The following BICRAL variants were observed in gnomAD, a reference collection of about 807,000 sequenced individuals.
The protein encoded by BICRAL is BRD4-interacting chromatin-remodeling complex-associated protein-like.
BICRAL carries 8 observed loss-of-function variants against 91.8 expected under a neutral mutation model. The observed-to-expected ratio is 0.09, with a 90% CI of 0.05 to 0.16. BICRAL has a LOEUF of 0.16. Among genes scored for constraint, BICRAL ranks in the 10% least tolerant of loss-of-function variants. The pLI is 1.00. For synonymous variants in BICRAL, 445 were observed against 491.1 expected, an observed-to-expected ratio of 0.91 and a Z score of 1.24; for missense variants, 1,038 against 1,310.9, an observed-to-expected ratio of 0.79 and a Z score of 3.21.
intron 10 of BICRAL, among the ~76,000 whole-genome samples, chr6:42,857,802 A>ATTTTTTTTTT (rs1161596399): frequency 2.7e-5 from 2 of 73,664 alleles, no homozygotes; most frequent in African/African-American, 7.1e-5. Flanking sequence ...CATACCCTGA[A>ATTTTTTTTTT]TTTTTTTTTT....
At position 42,866,651 on chromosome 6, in the gene BICRAL, G is replaced by A. The variant is rs138869622; in HGVS notation, c.*1205G>A. 5 of 366,436 alleles carry A rather than the reference G, an allele frequency of 1.4e-5. No individual in the cohort carries two copies. The highest frequency in any genetic ancestry group is 8.5e-5 in the African/African-American group (4 of 47,180). The allele number at this position is 366,436 out of a possible 1,614,324, so 22.7% of individuals were successfully genotyped here. On this transcript the variant is annotated 3_prime_UTR_variant, in exon 13 of 13. Transcript: ENST00000314073. ...CAGCTAGCCCACCACTGAAAGGAAA[G>A]ATCTGAGACATGGGATTCCCATTTG...
chr6:42,857,302 A>T, intron 10 of BICRAL, 66 bp downstream of exon 10: 1 of 1,359,392 alleles, frequency 7.4e-7, no homozygotes, highest in South Asian at 1.3e-5. Context: ...CACCCCCCAG[A>T]AAAGCAAGAG....
chr6:42,753,769 A>C (rs1331115294), intron 1 of BICRAL, among the ~76,000 whole-genome samples: 2 of 151,516 alleles, frequency 1.3e-5, no homozygotes, highest in African/African-American at 4.9e-5. Flanking sequence ...GCGCCACCAC[A>C]CCCAGCTAAT....
rs1430461295 is a variant in BICRAL at position 42,796,904 on chromosome 6, G to A, written c.-101-13402G>A. 5.3e-5 allele frequency among the ~76,000 whole-genome samples: 8 copies of A among 152,172 alleles called. No individual in the cohort carries two copies. The East Asian group carries it at 1.4e-3, about 26-fold the overall frequency. On this transcript the variant is annotated intron_variant, in intron 1 of 12. Transcript: ENST00000314073. ...CTACTAAAAGCACAAAATTAGCCAG[G>A]TATGGTGGCGCATGCCTGTAATCCC...
chr6:42,864,885 T>C lies in BICRAL; in HGVS notation c.2679T>C (p.Ile893=), dbSNP rs1266393154. The C allele has an allele frequency of 2.5e-6, 4 of 1,614,020 alleles. No individual in the cohort carries two copies. The highest frequency in any genetic ancestry group is 3.4e-6 in the Non-Finnish European group (4 of 1,180,006). Residue 893 remains isoleucine (I), a synonymous_variant, in exon 13 of 13, where the codon ATT becomes ATC. Transcript: ENST00000314073. ...NHIVVSAEGN[I]SKKTECLGRA... ...TCGTGGTCTCTGCAGAAGGAAACATTTCTAAAAAAACAGAATGCCTTGGCA... is the reference window on the plus strand; with the variant it reads ...TCGTGGTCTCTGCAGAAGGAAACATCTCTAAAAAAACAGAATGCCTTGGCA...
rs755664597 is a variant in BICRAL, at chr6:42,855,824, AG to A, written c.2047-29del. On this transcript the variant is annotated intron_variant, in intron 8 of 12. Transcript: ENST00000314073. ...ATAACTGTATTCTTTTTTCTATAAA[AG>A]GGAATAATAAGAGGTTTGTTTTGTC... 1.1e-5 allele frequency: 17 copies of A among 1,564,154 alleles called. 1 individual carries two copies. The South Asian group carries it at 1.9e-4, about 17-fold the overall frequency.
chr6:42,804,611 T>A (rs964341113), intron 1 of BICRAL, among the ~76,000 whole-genome samples: 1 of 152,094 alleles, frequency 6.6e-6, no homozygotes, highest in African/African-American at 2.4e-5. Flanking sequence ...AGTCAAATAA[T>A]TGAAAAACTG....
chr6:42,860,891 C>A (rs1212560657), intron 11 of BICRAL, among the ~76,000 whole-genome samples: 1 of 152,178 alleles, frequency 6.6e-6, no homozygotes, highest in African/African-American at 2.4e-5. Context: ...CTTTGGGAGG[C>A]CAAGGCGGGT....
intron 1 of BICRAL, among the ~76,000 whole-genome samples, chr6:42,749,832 A>G (rs1021894342): frequency 2.7e-5 from 4 of 149,806 alleles, no homozygotes; most frequent in Non-Finnish European, 5.9e-5. Context: ...ATATTTCACT[A>G]TATACCTCTA....
In BICRAL at chr6:42,792,708, T is replaced by G. The variant is rs1163861640; in HGVS notation, c.-102+10607T>G. Reference sequence around the variant, plus strand: ...TAGGTGAATCACTTGAGGTCAGGAATTTGAGACCAGCCTGGCCAACATGAA... The same window carrying G: ...TAGGTGAATCACTTGAGGTCAGGAAGTTGAGACCAGCCTGGCCAACATGAA... On this transcript the variant is annotated intron_variant, in intron 1 of 12. Transcript: ENST00000314073. Among the ~76,000 whole-genome samples the G allele has an allele frequency of 2.0e-5, 3 of 151,902 alleles. No homozygotes were observed. The East Asian group carries it at 5.8e-4, about 30-fold the overall frequency.
At position 42,847,786 on chromosome 6, in the gene BICRAL, G is replaced by A. The variant is rs146376388; in HGVS notation, c.1840-4306G>A. ...AAAAATACAAAAATTAGCCGGGTGTGGTGCTGGGCACCTGTAATCCTAGCT... is the reference window on the plus strand; with the variant it reads ...AAAAATACAAAAATTAGCCGGGTGTAGTGCTGGGCACCTGTAATCCTAGCT... On this transcript the variant is annotated intron_variant, in intron 6 of 12. Transcript: ENST00000314073. Among the ~76,000 whole-genome samples the A allele has an allele frequency of 3.7e-3, 556 of 151,858 alleles. 2 individuals are homozygous for A. Among genetic ancestry groups the A allele is most frequent in the African/African-American group, 0.013 (539 of 41,384 alleles).
At chr6:42,805,391 G>A (rs932580041) in intron 1 of BICRAL, among the ~76,000 whole-genome samples, 4 of 152,034 alleles carry the variant, frequency 2.6e-5, no homozygotes, top group African/African-American at 9.7e-5. Flanking sequence ...AAAAGTCTTT[G>A]TTTTCCACTT....
chr6:42,814,521 T>TATATATATATATATA (rs1562475045), intron 2 of BICRAL, among the ~76,000 whole-genome samples: 1 of 34,900 alleles, frequency 2.9e-5, no homozygotes, highest in African/African-American at 1.3e-4. Context: ...ATATATATAT[T>TATATATATATATATA]TTTTTTTTTT....
chr6:42,844,218 GA>G (rs1764907862), intron 6 of BICRAL, among the ~76,000 whole-genome samples: 1 of 149,470 alleles, frequency 6.7e-6, no homozygotes, highest in Non-Finnish European at 1.5e-5. Context: ...TTTAGGCTAA[GA>G]AAAGAGGATG....
intron 1 of BICRAL, among the ~76,000 whole-genome samples, chr6:42,774,014 G>A (rs1762777691): frequency 6.6e-6 from 1 of 152,224 alleles, no homozygotes; most frequent in African/African-American, 2.4e-5. Context: ...GTCCAGATGT[G>A]ATTGCATTTC....
intron 6 of BICRAL, among the ~76,000 whole-genome samples, chr6:42,840,837 G>A (rs1764773461): frequency 6.6e-6 from 1 of 151,518 alleles, no homozygotes; most frequent in East Asian, 2.0e-4. Flanking sequence ...ACTTTGGGAG[G>A]CCGAAGCGGG....
chr6:42,751,659 T>C (rs559665411), intron 1 of BICRAL, among the ~76,000 whole-genome samples: 42 of 146,942 alleles, frequency 2.9e-4, no homozygotes, highest in East Asian at 2.2e-3. Context: ...CTTTTCTTTT[T>C]TTTTTTTTTT....
At chr6:42,847,754 C>T (rs1765058747) in intron 6 of BICRAL, among the ~76,000 whole-genome samples, 1 of 152,066 alleles carries the variant, frequency 6.6e-6, no homozygotes, top group African/African-American at 2.4e-5. Flanking sequence ...GAAACCCTGT[C>T]TCTACTAAAA....
chr6:42,832,389 A>G (rs927681573), intron 6 of BICRAL, among the ~76,000 whole-genome samples: 109 of 146,684 alleles, frequency 7.4e-4, no homozygotes, highest in African/African-American at 2.2e-3. Context: ...GTATGTATGT[A>G]TATATATATA....
Sources: gnomAD v4.1 joint callset for allele counts (sites outside exome capture counted in the v4.1 genomes callset) on GRCh38, gnomAD v4.1.1 for gene constraint, MANE v1.5 for transcripts, NCBI Gene and HGNC (gene_info 2026-07-23, HGNC 2026-07-21) for gene names.